The following LRRK1 variants were observed in gnomAD, a reference collection of about 807,000 sequenced individuals.
LRRK1 encodes leucine rich repeat kinase 1, also known as leucine-rich repeat serine/threonine-protein kinase 1.
In LRRK1, 113 loss-of-function variants were observed where a neutral mutation model predicts 209.1. The ratio of observed to expected loss-of-function variants is 0.54; its 90% confidence interval spans 0.46 to 0.63. The LOEUF (loss-of-function observed/expected upper bound fraction) is 0.63, where lower values mean the gene tolerates loss of function less well. Among genes scored for constraint, LRRK1 ranks in the 30% least tolerant of loss-of-function variants. LRRK1 has a pLI of 0.00. For missense variants in LRRK1, 2,284 were observed against 2,632.2 expected (o/e 0.87, Z 2.89); for synonymous variants, 1,144 against 1,099.7 (o/e 1.04, Z -0.80).
At chr15:100,993,733 G>A (rs1471482551) in intron 6 of LRRK1, among the ~76,000 whole-genome samples, 4 of 152,156 alleles carry the variant, frequency 2.6e-5, no homozygotes, top group South Asian at 4.1e-4. Context: ...TCTTTTGAAC[G>A]AGGGATCCAC....
At chr15:100,938,946 A>G (rs1350529198) in intron 2 of LRRK1, among the ~76,000 whole-genome samples, 2 of 146,360 alleles carry the variant, frequency 1.4e-5, no homozygotes, top group Non-Finnish European at 3.1e-5. Flanking sequence ...ACAAAAAACT[A>G]GCGAGGCATG....
intron 2 of LRRK1, among the ~76,000 whole-genome samples, chr15:100,945,193 C>G (rs539608953): frequency 6.6e-6 from 1 of 152,170 alleles, no homozygotes; most frequent in Non-Finnish European, 1.5e-5. Context: ...TGATGGGTCA[C>G]GGGGCATATA....
chr15:100,937,680 G>C (rs1206830371), intron 2 of LRRK1, among the ~76,000 whole-genome samples: 1 of 151,686 alleles, frequency 6.6e-6, no homozygotes, highest in Admixed American at 6.6e-5. Flanking sequence ...GACTACAGGC[G>C]CCCGCCACCA....
intron 4 of LRRK1, among the ~76,000 whole-genome samples, chr15:100,984,589 C>T (rs375092346): frequency 7.3e-5 from 11 of 151,652 alleles, no homozygotes; most frequent in East Asian, 5.8e-4. Context: ...AGTCTGTAGC[C>T]GTTTCAAACT....
chr15:101,012,221 T>TG, intron 10 of LRRK1, 76 bp downstream of exon 10: 2 of 1,257,522 alleles, frequency 1.6e-6, no homozygotes, highest in Non-Finnish European at 2.2e-6. Flanking sequence ...GAAATGTATG[T>TG]GCTTTTCCTG....
At position 101,076,384 on chromosome 15, in the gene LRRK1, C is replaced by CAG. The variant is rs1567302845; in HGVS notation, c.*7536_*7537insAG. 6.6e-6 allele frequency: 1 copy of CAG among 151,246 alleles called. No homozygotes were observed. Among genetic ancestry groups the CAG allele is most frequent in the East Asian group, 1.9e-4 (1 of 5,162 alleles). The allele number at this position is 151,246 out of a possible 1,614,324, so 9.4% of individuals were successfully genotyped here. On this transcript the variant is annotated 3_prime_UTR_variant, in exon 34 of 34. Transcript: ENST00000388948. The stretch of plus-strand genomic sequence containing the variant: ...CCACAATTACCATTTTTCCTGGCAC[C>CAG]GACTTCAATCCAGCCTCCCACATTA...
intron 20 of LRRK1, among the ~76,000 whole-genome samples, chr15:101,042,988 C>G (rs2034849357): frequency 6.6e-6 from 1 of 152,234 alleles, no homozygotes; most frequent in Non-Finnish European, 1.5e-5. Context: ...ATGCTCTGCC[C>G]TAAACCAGCT....
In LRRK1 at chr15:101,016,000, T is replaced by A. The variant is rs538270660; in HGVS notation, c.1609+598T>A. Reference sequence around the variant, plus strand: ...CTTTCTTCCTCTTCTTTTTTTTTTTTTTTCTTTGAGACTGAGTCTCGCTCT... The same window carrying A: ...CTTTCTTCCTCTTCTTTTTTTTTTTATTTCTTTGAGACTGAGTCTCGCTCT... On this transcript the variant is annotated intron_variant, in intron 12 of 33. Transcript: ENST00000388948. Among the ~76,000 whole-genome samples, 3 of 151,724 alleles carry A rather than the reference T, an allele frequency of 2.0e-5. No homozygotes were observed. In the East Asian group the frequency reaches 5.8e-4, roughly 29 times the overall value.
At chr15:100,924,319 T>C (rs2042070006) in intron 1 of LRRK1, among the ~76,000 whole-genome samples, 192 bp from the exon 2 acceptor site, 1 of 152,206 alleles carries the variant, frequency 6.6e-6, no homozygotes, top group Admixed American at 6.5e-5. Context: ...AGACAATACC[T>C]GAGCCCCGCA....
Position 101,015,384 on chromosome 15 carries a change from C to T in LRRK1, c.1591C>T (p.Arg531Cys), listed in dbSNP as rs200499483. 2 of 1,613,234 alleles carry T rather than the reference C, an allele frequency of 1.2e-6. No individual in the cohort carries two copies. Among genetic ancestry groups the T allele is most frequent in the African/African-American group, 2.7e-5 (2 of 74,894 alleles). Residue 531 changes from arginine (R) to cysteine (C), a missense_variant, in exon 12 of 34, where the codon CGC becomes TGC. Arg to Cys is a radical substitution (Grantham distance 180). Coordinates refer to ENST00000388948, the MANE Select transcript of LRRK1 (RefSeq NM_024652.6). The part of the protein sequence containing the change: ...IAFFTTRGRQ[R>C]SGTEAASVLE... ...CTTTTTCACCACCAGAGGTCGCCAG[C>T]GCTCCGGGACTGAGGCAGGTGTGTG... is the stretch of plus-strand genomic sequence containing the variant.
intron 6 of LRRK1, among the ~76,000 whole-genome samples, chr15:101,005,560 C>T (rs952941551): frequency 3.9e-5 from 6 of 152,174 alleles, no homozygotes; most frequent in Non-Finnish European, 7.3e-5. Flanking sequence ...GACACCCCAG[C>T]GGTGATGAGC....
At chr15:100,951,964 A>ATAATAATAATAATAAT (rs1555460103) in intron 2 of LRRK1, among the ~76,000 whole-genome samples, 20 of 146,558 alleles carry the variant, frequency 1.4e-4, no homozygotes, top group African/African-American at 5.0e-4. Flanking sequence ...AGAAAAAAAA[A>ATAATAATAATAATAAT]AATAATAATA....
At chr15:101,067,923 C>T (rs2036624678) in intron 33 of LRRK1, among the ~76,000 whole-genome samples, 1 of 152,230 alleles carries the variant, frequency 6.6e-6, no homozygotes, top group Non-Finnish European at 1.5e-5. Context: ...CTCTTTCTCG[C>T]TAGAGGGAGG....
intron 3 of LRRK1, among the ~76,000 whole-genome samples, chr15:100,976,476 A>C (rs1347564631): frequency 6.6e-6 from 1 of 152,236 alleles, no homozygotes; most frequent in Non-Finnish European, 1.5e-5. Context: ...AACAAAAATG[A>C]AGCAGCCTTT....
chr15:100,955,717 ATG>A (rs869105821), intron 2 of LRRK1, among the ~76,000 whole-genome samples: 1,263 of 28,114 alleles, frequency 0.045, 18 homozygotes, highest in African/African-American at 0.086. Context: ...ATTTTTACTA[ATG>A]TTTTTTTCTG....
chr15:101,033,645 C>A (rs2141109401), intron 20 of LRRK1, among the ~76,000 whole-genome samples: 1 of 152,154 alleles, frequency 6.6e-6, no homozygotes, highest in African/African-American at 2.4e-5. Flanking sequence ...TGTATATGGA[C>A]CTTTCTTTAT....
chr15:101,029,298 G>A, intron 20 of LRRK1, 66 bp downstream of exon 20: 2 of 1,479,444 alleles, frequency 1.4e-6, no homozygotes, highest in Non-Finnish European at 1.8e-6. Context: ...TTGGGGTCTG[G>A]AGCCACTGGT....
intron 2 of LRRK1, among the ~76,000 whole-genome samples, chr15:100,930,176 A>AT (rs1056252472): frequency 6.6e-6 from 1 of 152,180 alleles, no homozygotes; most frequent in Non-Finnish European, 1.5e-5. Flanking sequence ...GGCTTTATTC[A>AT]TTTAGACAGA....
At chr15:100,965,699 G>GA (rs77490467) in intron 2 of LRRK1, among the ~76,000 whole-genome samples, 26 of 148,658 alleles carry the variant, frequency 1.7e-4, no homozygotes, top group African/African-American at 4.4e-4. Context: ...AACCAAACCT[G>GA]AAAAAAAAAA....
Sources: allele counts gnomAD v4.1 joint callset (sites outside exome capture counted in the v4.1 genomes callset), GRCh38; gene constraint gnomAD v4.1.1; transcripts MANE v1.5; gene names NCBI Gene and HGNC (gene_info 2026-07-23, HGNC 2026-07-21).